MGAT4C: variants seen among roughly 807,000 people sequenced by gnomAD.
MGAT4C encodes alpha-1,3-mannosyl-glycoprotein 4-beta-N-acetylglucosaminyltransferase C.
In MGAT4C, 19 loss-of-function variants were observed where a neutral mutation model predicts 40.1. The ratio of observed to expected loss-of-function variants is 0.47; its 90% CI spans 0.33 to 0.70. MGAT4C has a LOEUF of 0.70. Ranked by LOEUF, MGAT4C falls within the 30% of genes least tolerant of loss-of-function variation. The pLI, the probability that MGAT4C is intolerant of heterozygous loss-of-function variation, is 0.02. For missense variants in MGAT4C, 491 were observed against 563.2 expected, an observed-to-expected ratio of 0.87 and a Z score of 1.30; for synonymous variants, 181 against 187.1, an observed-to-expected ratio of 0.97 and a Z score of 0.27.
intron 2 of MGAT4C, among the ~76,000 whole-genome samples, chr12:86,012,613 G>T (rs1265845571): frequency 1.3e-5 from 2 of 151,940 alleles, no homozygotes; most frequent in African/African-American, 4.8e-5. Flanking sequence ...TTAGCCAGGA[G>T]TGGTGGTGGG....
At position 86,454,509 on chromosome 12, in the gene MGAT4C, G is replaced by A. The variant is rs945910301; in HGVS notation, c.-228-19244C>T. Among the ~76,000 whole-genome samples the A allele has an allele frequency of 5.3e-5, 8 of 152,184 alleles. 1 individual carries two copies. The highest frequency in any genetic ancestry group is 2.6e-4 in the Admixed American group (4 of 15,280). On this transcript the variant is annotated intron_variant, in intron 2 of 7. Transcript: ENST00000548651. Reference sequence around the variant, plus strand: ...CCCAAAATGCTGAGATTACAAGCATGAGTCACTGTGGCTGGCCTCATATAT... The same window carrying A: ...CCCAAAATGCTGAGATTACAAGCATAAGTCACTGTGGCTGGCCTCATATAT...
intron 2 of MGAT4C, among the ~76,000 whole-genome samples, chr12:86,681,966 A>G (rs1287170960): frequency 6.6e-6 from 1 of 152,038 alleles, no homozygotes; most frequent in Non-Finnish European, 1.5e-5. Flanking sequence ...TTAGTGCACA[A>G]TTAACCTATA....
intron 1 of MGAT4C, among the ~76,000 whole-genome samples, chr12:86,826,847 TTTA>T (rs1952818631): frequency 1.3e-5 from 2 of 151,398 alleles, no homozygotes; most frequent in South Asian, 4.1e-4. Context: ...TACTTGTGCT[TTTA>T]TAATTTTAGT....
intron 1 of MGAT4C, among the ~76,000 whole-genome samples, chr12:86,153,883 C>G (rs924916897): frequency 6.6e-6 from 1 of 152,142 alleles, no homozygotes; most frequent in Non-Finnish European, 1.5e-5. Flanking sequence ...TGAAAATAGA[C>G]TAATACACTC....
chr12:86,836,991 T>G (rs1953050310), intron 1 of MGAT4C, among the ~76,000 whole-genome samples: 1 of 152,152 alleles, frequency 6.6e-6, no homozygotes, highest in Non-Finnish European at 1.5e-5. Flanking sequence ...GTTAAATCAC[T>G]GTATCCTCTG....
chr12:86,602,837 G>C (rs1170776153), intron 2 of MGAT4C, among the ~76,000 whole-genome samples: 1 of 151,842 alleles, frequency 6.6e-6, no homozygotes, highest in Non-Finnish European at 1.5e-5. Flanking sequence ...CTCGCCATCT[G>C]TATGTAAAGC....
intron 2 of MGAT4C, among the ~76,000 whole-genome samples, chr12:86,528,216 AG>A (rs761797329): frequency 2.0e-5 from 3 of 152,096 alleles, no homozygotes; most frequent in Non-Finnish European, 4.4e-5. Flanking sequence ...TATAATCAAA[AG>A]TAAAGAAGAT....
intron 2 of MGAT4C, among the ~76,000 whole-genome samples, chr12:86,035,917 T>C (rs1017243452): frequency 6.7e-6 from 1 of 149,978 alleles, no homozygotes. Context: ...AAGGCCTCTG[T>C]TCTCTTCCAT....
intron 1 of MGAT4C, among the ~76,000 whole-genome samples, chr12:86,087,244 G>A (rs1359897657): frequency 6.6e-6 from 1 of 151,880 alleles, no homozygotes; most frequent in Non-Finnish European, 1.5e-5. Context: ...CCTCAATACT[G>A]TTCTCCATAG....
At chr12:86,806,802 A>G (rs907958985) in intron 1 of MGAT4C, among the ~76,000 whole-genome samples, 2 of 152,092 alleles carry the variant, frequency 1.3e-5, no homozygotes, top group Non-Finnish European at 2.9e-5. Flanking sequence ...TGGGAATTGA[A>G]CAACGAGAAC....
At chr12:86,062,676 C>T (rs1894111017) in intron 1 of MGAT4C, among the ~76,000 whole-genome samples, 1 of 151,402 alleles carries the variant, frequency 6.6e-6, no homozygotes, top group South Asian at 2.1e-4. Context: ...GTTTAGAGAA[C>T]ATAAATGACC....
intron 1 of MGAT4C, among the ~76,000 whole-genome samples, chr12:86,077,936 G>C (rs1202088910): frequency 6.6e-6 from 1 of 152,150 alleles, no homozygotes; most frequent in Non-Finnish European, 1.5e-5. Context: ...AAAATGTCCA[G>C]GTGGTAATCT....
In MGAT4C at chr12:86,109,544, T is replaced by C. The variant is rs139590373; in HGVS notation, c.-56-59821A>G. Among the ~76,000 whole-genome samples the C allele has an allele frequency of 5.1e-3, 769 of 152,222 alleles. 4 individuals are homozygous for C. The highest frequency in any genetic ancestry group is 0.01 in the Middle Eastern group (3 of 294). On this transcript the variant is annotated intron_variant, in intron 1 of 4. Transcript: ENST00000611864. ...TTATATAGATTAGCTTTGTAAATGA[T>C]GTTATGTCAGTATTATTATTATCAT...
At chr12:86,275,818 T>C (rs1953063251) in intron 4 of MGAT4C, among the ~76,000 whole-genome samples, 1 of 151,874 alleles carries the variant, frequency 6.6e-6, no homozygotes, top group Non-Finnish European at 1.5e-5. Context: ...AGAAAATAAA[T>C]TGGCTGGGCG....
intron 2 of MGAT4C, among the ~76,000 whole-genome samples, chr12:86,677,377 A>G (rs528699518): frequency 6.6e-6 from 1 of 152,264 alleles, no homozygotes; most frequent in Non-Finnish European, 1.5e-5. Context: ...GTAACATTTC[A>G]ACCAATGGCT....
At position 85,976,311 on chromosome 12, in the gene MGAT4C, T is replaced by C. The variant is rs918126252; in HGVS notation, c.*2978A>G. 6.6e-6 allele frequency: 1 copy of C among 151,110 alleles called. No individual in the cohort carries two copies. The highest frequency in any genetic ancestry group is 2.4e-5 in the African/African-American group (1 of 41,368). The allele number at this position is 151,110 out of a possible 1,614,324, so 9.4% of individuals were successfully genotyped here. A position where few individuals can be genotyped will look rare whatever the true frequency, so the allele number is the denominator to read the frequency against. On this transcript the variant is annotated 3_prime_UTR_variant, in exon 5 of 5. Coordinates refer to ENST00000611864, the MANE Select transcript of MGAT4C (RefSeq NM_001351288.2). ...GCACAAAGTTATAGTTTTCAATGAATATGAAAAAGTTCTTGCATTAACATA... is the reference window on the plus strand; with the variant it reads ...GCACAAAGTTATAGTTTTCAATGAACATGAAAAAGTTCTTGCATTAACATA...
At chr12:86,638,200 A>G (rs925966491) in intron 2 of MGAT4C, among the ~76,000 whole-genome samples, 2 of 151,970 alleles carry the variant, frequency 1.3e-5, no homozygotes, top group Non-Finnish European at 2.9e-5. Context: ...TTCTTAGTAC[A>G]TGTAGTAGAC....
chr12:86,554,205 C>T (rs563893865), intron 2 of MGAT4C, among the ~76,000 whole-genome samples: 1 of 152,012 alleles, frequency 6.6e-6, no homozygotes, highest in East Asian at 1.9e-4. Flanking sequence ...ATTTACATTT[C>T]TCATATTTCT....
intron 1 of MGAT4C, among the ~76,000 whole-genome samples, chr12:86,170,246 A>T (rs1886668847): frequency 6.6e-6 from 1 of 152,206 alleles, no homozygotes; most frequent in African/African-American, 2.4e-5. Context: ...ATGCTATGAG[A>T]ATCCTCATGA....
Sources: allele counts gnomAD v4.1 joint callset (sites outside exome capture counted in the v4.1 genomes callset), GRCh38; gene constraint gnomAD v4.1.1; transcripts MANE v1.5; gene names NCBI Gene and HGNC (gene_info 2026-07-23, HGNC 2026-07-21).